Variants in ROCK1 observed in about 807,000 individuals in gnomAD.
ROCK1 encodes rho-associated protein kinase 1.
ROCK1 carries 36 observed loss-of-function variants against 196.8 expected under a neutral mutation model. That is an observed-to-expected ratio of 0.18 (90% CI 0.14 to 0.24). The LOEUF (loss-of-function observed/expected upper bound fraction) is 0.24. Among genes scored for constraint, ROCK1 ranks in the 10% least tolerant of loss-of-function variants. ROCK1 has a pLI of 1.00. For synonymous variants in ROCK1, 443 were observed against 515.9 expected, an observed-to-expected ratio of 0.86 and a Z score of 1.91; for missense variants, 920 against 1,562.0, an observed-to-expected ratio of 0.59 and a Z score of 6.93.
Position 20,947,054 on chromosome 18 carries a change from C to T in ROCK1, c.*4330G>A, listed in dbSNP as rs1375927270. 2.0e-5 allele frequency: 3 copies of T among 152,140 alleles called. No homozygotes were observed. The highest frequency in any genetic ancestry group is 7.2e-5 in the African/African-American group (3 of 41,432). The allele number at this position is 152,140 out of a possible 1,614,324, so 9.4% of individuals were successfully genotyped here. On this transcript the variant is annotated 3_prime_UTR_variant, in exon 33 of 33. Transcript: ENST00000399799. ...ATTTATATTTTTTCCCTTGAATCTC[C>T]AACATCTCAAATACTTTATGGGAAA...
intron 13 of ROCK1, among the ~76,000 whole-genome samples, chr18:21,012,204 G>T (rs975930632): frequency 6.6e-6 from 1 of 152,188 alleles, no homozygotes; most frequent in Admixed American, 6.5e-5. Flanking sequence ...GCTCGCCTCA[G>T]CCTCCCAAAG....
intron 5 of ROCK1, 170 bp downstream of exon 5, chr18:21,045,122 A>C (rs867177748): frequency 2.1e-6 from 1 of 482,158 alleles, no homozygotes; most frequent in African/African-American, 2.0e-5. Flanking sequence ...CGGCCTCCCA[A>C]AGCTCTGGGA....
chr18:21,108,879 T>A (rs965042463), intron 1 of ROCK1, among the ~76,000 whole-genome samples: 5 of 152,200 alleles, frequency 3.3e-5, no homozygotes, highest in Non-Finnish European at 2.9e-5. Context: ...CACAACAGTG[T>A]AAAGGCAATC....
Position 20,951,309 on chromosome 18 carries a change from T to C in ROCK1, c.*75A>G. 2 of 1,360,186 alleles carry C rather than the reference T, an allele frequency of 1.5e-6. No individual in the cohort carries two copies. Among genetic ancestry groups the C allele is most frequent in the Non-Finnish European group, 2.0e-6 (2 of 981,820 alleles). The allele number at this position is 1,360,186 out of a possible 1,614,324, so 84.3% of individuals were successfully genotyped here. ...ATTTGTGTCAAAGAAACAGCCTGTC[T>C]GCTCTGCATGGTTAAAGAAGCCTGG... On this transcript the variant is annotated 3_prime_UTR_variant, in exon 33 of 33. Transcript: ENST00000399799.
Position 20,972,690 on chromosome 18 carries a change from G to C in ROCK1, c.2655-2177C>G, listed in dbSNP as rs1224668367. On this transcript the variant is annotated intron_variant, in intron 22 of 32. Transcript: ENST00000399799. ...CAAATCCTGCTATGAAATAAGGTGA[G>C]AACTGAGAAGTCACTATTAGGAAGA... 2.0e-5 allele frequency among the ~76,000 whole-genome samples: 3 copies of C among 152,136 alleles called. No individual in the cohort carries two copies. The East Asian group carries it at 5.8e-4, about 29-fold the overall frequency.
At chr18:21,045,060 C>T (rs2036144043) in intron 5 of ROCK1, 1 of 296,950 alleles carries the variant, frequency 3.4e-6, no homozygotes, top group African/African-American at 2.2e-5. Flanking sequence ...TGGGTTTCAC[C>T]ATGTTGTCCA....
In ROCK1 at chr18:20,984,360, T is replaced by A; in HGVS notation, c.2480A>T (p.Gln827Leu). The change falls in exon 20 of 33, where the codon CAG becomes CTG. Residue 827 changes from glutamine (Q) to leucine (L), a missense_variant. Gln to Leu is a moderately radical substitution (Grantham distance 113, BLOSUM62 -2). Transcript: ENST00000399799. ...TATTTTAAAGACTTACTTCGTAAGCTGAGCTAACTCAAATTCTAATAATCT... is the reference window on the plus strand; with the variant it reads ...TATTTTAAAGACTTACTTCGTAAGCAGAGCTAACTCAAATTCTAATAATCT... ...AKRLLEFELA[Q>L]LTKQYRGNEG... The A allele has an allele frequency of 6.2e-7, 1 of 1,601,508 alleles. No homozygotes were observed. Among genetic ancestry groups the A allele is most frequent in the Non-Finnish European group, 8.5e-7 (1 of 1,174,904 alleles).
At chr18:20,986,899 A>T (rs890791925) in intron 19 of ROCK1, 51 bp downstream of exon 19, 1 of 1,465,944 alleles carries the variant, frequency 6.8e-7, no homozygotes, top group Non-Finnish European at 9.3e-7. Context: ...CATAACTTAT[A>T]TAACCGTTTC....
chr18:20,965,889 A>T (rs2035369867), intron 27 of ROCK1, among the ~76,000 whole-genome samples: 1 of 152,162 alleles, frequency 6.6e-6, no homozygotes. Context: ...TACAGAGAGG[A>T]GCTGAATTCA....
intron 18 of ROCK1, among the ~76,000 whole-genome samples, chr18:20,988,065 CT>C (rs894793074): frequency 5.7e-4 from 85 of 149,256 alleles, no homozygotes; most frequent in African/African-American, 1.9e-3. Flanking sequence ...TAGACTCAGT[CT>C]TTTTTTTTTC....
chr18:21,010,487 T>A (rs2035807486), intron 13 of ROCK1, among the ~76,000 whole-genome samples: 1 of 152,246 alleles, frequency 6.6e-6, no homozygotes, highest in African/African-American at 2.4e-5. Context: ...CACTGAGACT[T>A]CTTCTTTGAC....
intron 2 of ROCK1, among the ~76,000 whole-genome samples, chr18:21,053,752 G>A (rs1198310617): frequency 2.0e-5 from 3 of 152,104 alleles, no homozygotes; most frequent in African/African-American, 7.2e-5. Context: ...CAGAAGGACT[G>A]CTTGAGCCTA....
chr18:21,006,093 A>G (rs1306873512), intron 16 of ROCK1, among the ~76,000 whole-genome samples: 2 of 152,242 alleles, frequency 1.3e-5, no homozygotes, highest in Non-Finnish European at 1.5e-5. Context: ...TGGTATACAC[A>G]TACCATGGAA....
rs371191768 is a variant in ROCK1, at chr18:20,982,804, G to T, written c.2518C>A (p.Arg840=). The T allele has an allele frequency of 5.8e-5, 92 of 1,578,234 alleles. No individual in the cohort carries two copies. The Middle Eastern group carries it at 1.0e-3, about 17-fold the overall frequency. ...KQYRGNEGQM[R]ELQDQLEAEQ... is the part of the protein sequence containing the mutation. ...GCTTCAAGCTGATCTTGTAGCTCCC[G>T]CATCTGTCCTTCATTTCCTCTATAC... Residue 840 remains arginine (R), a synonymous_variant, in exon 21 of 33, where the codon CGG becomes AGG. Transcript: ENST00000399799.
chr18:21,083,262 T>C (rs2143573040), intron 1 of ROCK1, among the ~76,000 whole-genome samples: 1 of 152,288 alleles, frequency 6.6e-6, no homozygotes, highest in East Asian at 1.9e-4. Context: ...CTCAAAGTAA[T>C]ATACAGATTA....
intron 29 of ROCK1, 160 bp from the exon 30 acceptor site, chr18:20,955,405 C>T: frequency 1.1e-6 from 1 of 914,934 alleles, no homozygotes; most frequent in Non-Finnish European, 1.6e-6. Flanking sequence ...AGTGTCACTA[C>T]ACATCTATCA....
chr18:21,093,091 G>GA (rs1457814478), intron 1 of ROCK1, among the ~76,000 whole-genome samples: 1 of 152,172 alleles, frequency 6.6e-6, no homozygotes, highest in Non-Finnish European at 1.5e-5. Context: ...CCATTATTTT[G>GA]ACTGAGATTG....
intron 18 of ROCK1, among the ~76,000 whole-genome samples, chr18:20,990,524 T>C (rs2035614939): frequency 1.3e-5 from 2 of 150,880 alleles, no homozygotes; most frequent in African/African-American, 4.9e-5. Context: ...TGAAACGCTG[T>C]CTCTACTAAA....
intron 2 of ROCK1, among the ~76,000 whole-genome samples, chr18:21,067,904 T>C (rs948353152): frequency 1.3e-5 from 2 of 152,182 alleles, no homozygotes; most frequent in African/African-American, 4.8e-5. Context: ...TGATATGAGG[T>C]AGGAGTCCAA....
Sources: allele counts gnomAD v4.1 joint callset (sites outside exome capture counted in the v4.1 genomes callset), GRCh38; gene constraint gnomAD v4.1.1; transcripts MANE v1.5; gene names NCBI Gene and HGNC (gene_info 2026-07-23, HGNC 2026-07-21).